Variants in RBFOX1 observed in about 807,000 individuals in gnomAD.
The protein encoded by RBFOX1 is RNA binding fox-1 homolog 1.
RBFOX1 carries 8 observed loss-of-function variants against 57.7 expected under a neutral mutation model. The ratio of observed to expected loss-of-function variants is 0.14; its 90% CI spans 0.08 to 0.25. The LOEUF is 0.25. Ranked by LOEUF, RBFOX1 falls within the 10% of genes least tolerant of loss-of-function variation. RBFOX1 has a pLI of 1.00. For missense variants in RBFOX1, 611 were observed against 548.5 expected (o/e 1.11, Z -1.14); for synonymous variants, 326 against 222.4 (o/e 1.47, Z -4.15).
chr16:6,809,697 G>C (rs2087914865), intron 3 of RBFOX1, among the ~76,000 whole-genome samples: 1 of 152,154 alleles, frequency 6.6e-6, no homozygotes, highest in South Asian at 2.1e-4. Context: ...CTGCAGAAGA[G>C]GAGTTTTTCA....
At chr16:7,197,843 C>T (rs566326514) in intron 4 of RBFOX1, among the ~76,000 whole-genome samples, 2 of 152,090 alleles carry the variant, frequency 1.3e-5, no homozygotes, top group East Asian at 1.9e-4. Flanking sequence ...ATTCCATTTC[C>T]GTGAAATATC....
intron 1 of RBFOX1, among the ~76,000 whole-genome samples, chr16:6,043,589 C>T (rs1302202794): frequency 6.6e-6 from 1 of 152,190 alleles, no homozygotes; most frequent in Non-Finnish European, 1.5e-5. Context: ...GTGTGTCTGA[C>T]CTCCCTTTTG....
At chr16:5,648,261 T>C (rs1320332711) in intron 3 of RBFOX1, among the ~76,000 whole-genome samples, 1 of 152,232 alleles carries the variant, frequency 6.6e-6, no homozygotes, top group Admixed American at 6.5e-5. Flanking sequence ...TCTCAAGTTC[T>C]CGGAGCCTCA....
chr16:6,805,353 A>G (rs529677974), intron 3 of RBFOX1, among the ~76,000 whole-genome samples: 92 of 152,312 alleles, frequency 6.0e-4, no homozygotes, highest in African/African-American at 2.2e-3. Context: ...ACACATGGAC[A>G]CACAGAGGGG....
At position 5,875,138 on chromosome 16, in the gene RBFOX1, G is replaced by A. The variant is rs532797062; in HGVS notation, c.351+7803G>A. Among the ~76,000 whole-genome samples the A allele has an allele frequency of 2.4e-3, 359 of 152,280 alleles. 1 individual carries two copies. The highest frequency in any genetic ancestry group is 7.8e-3 in the African/African-American group (323 of 41,554). ...TTCCCATAGCAACAGCAGCAGCAGC[G>A]TTGATAATTGCAGCCATCATTTACC... is the stretch of plus-strand genomic sequence containing the variant. On this transcript the variant is annotated intron_variant, in intron 4 of 19. Transcript: ENST00000641259.
intron 3 of RBFOX1, among the ~76,000 whole-genome samples, chr16:6,746,600 C>T (rs1283474731): frequency 6.6e-6 from 1 of 151,804 alleles, no homozygotes; most frequent in African/African-American, 2.4e-5. Flanking sequence ...ATCACCTGAA[C>T]CTGGGAAGTT....
At chr16:6,125,844 C>T (rs982990783) in intron 1 of RBFOX1, among the ~76,000 whole-genome samples, 1 of 152,108 alleles carries the variant, frequency 6.6e-6, no homozygotes, top group Non-Finnish European at 1.5e-5. Context: ...GATGTACAAA[C>T]CTTCCTACTG....
At chr16:7,479,797 G>A (rs1040848803) in intron 4 of RBFOX1, among the ~76,000 whole-genome samples, 3 of 152,148 alleles carry the variant, frequency 2.0e-5, no homozygotes, top group Non-Finnish European at 2.9e-5. Context: ...CCAGCATGTC[G>A]AATTTGTAAC....
chr16:6,807,627 C>T (rs139286833), intron 3 of RBFOX1, among the ~76,000 whole-genome samples: 2,024 of 152,020 alleles, frequency 0.013, 49 homozygotes, highest in African/African-American at 0.045. Flanking sequence ...ACCAGCCTGG[C>T]GAGCATGGTG....
intron 3 of RBFOX1, among the ~76,000 whole-genome samples, chr16:6,996,934 G>A (rs910554096): frequency 6.6e-6 from 1 of 152,096 alleles, no homozygotes; most frequent in Non-Finnish European, 1.5e-5. Flanking sequence ...AATCAGACTA[G>A]AGAATTTTTA....
intron 3 of RBFOX1, among the ~76,000 whole-genome samples, chr16:6,795,861 C>G (rs1458899928): frequency 6.6e-6 from 1 of 151,758 alleles, no homozygotes; most frequent in African/African-American, 2.4e-5. Flanking sequence ...CAGCTTTCCA[C>G]AAAATCACCC....
At chr16:5,733,602 C>T (rs1445251869) in intron 3 of RBFOX1, among the ~76,000 whole-genome samples, 1 of 152,142 alleles carries the variant, frequency 6.6e-6, no homozygotes, top group African/African-American at 2.4e-5. Context: ...GCATGGTCAC[C>T]TAGTCCCCAA....
chr16:5,554,544 TCAATC>T (rs2045595814), intron 2 of RBFOX1, among the ~76,000 whole-genome samples: 1 of 152,180 alleles, frequency 6.6e-6, no homozygotes, highest in Non-Finnish European at 1.5e-5. Flanking sequence ...TTTAGCAACT[TCAATC>T]AGATAGTGTA....
intron 2 of RBFOX1, among the ~76,000 whole-genome samples, chr16:6,558,853 C>T (rs893972507): frequency 2.1e-5 from 3 of 142,928 alleles, no homozygotes; most frequent in Non-Finnish European, 4.6e-5. Context: ...CCCAAACATA[C>T]CCAGCTCCTC....
chr16:5,966,302 A>G (rs1341374460), intron 4 of RBFOX1, among the ~76,000 whole-genome samples: 1 of 152,144 alleles, frequency 6.6e-6, no homozygotes. Context: ...TCATTGGCTC[A>G]TGGTTCTGCA....
chr16:5,403,773 C>G (rs1212897736), intron 1 of RBFOX1, among the ~76,000 whole-genome samples: 2 of 152,118 alleles, frequency 1.3e-5, no homozygotes, highest in African/African-American at 4.8e-5. Flanking sequence ...TATGTTGGTG[C>G]TAAAGAAAGG....
chr16:6,600,822 GA>G (rs550257708), intron 2 of RBFOX1, among the ~76,000 whole-genome samples: 4 of 151,404 alleles, frequency 2.6e-5, no homozygotes, highest in Admixed American at 2.0e-4. Context: ...AAAAAAGATA[GA>G]AAAAAAATCC....
chr16:6,123,665 G>A (rs1304772894), intron 1 of RBFOX1, among the ~76,000 whole-genome samples: 1 of 152,158 alleles, frequency 6.6e-6, no homozygotes, highest in Admixed American at 6.5e-5. Flanking sequence ...AGCACTTTGG[G>A]AGGCTGAGGT....
At chr16:5,806,974 A>G (rs942776923) in intron 3 of RBFOX1, among the ~76,000 whole-genome samples, 6 of 152,124 alleles carry the variant, frequency 3.9e-5, no homozygotes, top group African/African-American at 9.7e-5. Flanking sequence ...ATAGTTAGAA[A>G]AATGTCTTGC....
Sources: allele counts gnomAD v4.1 joint callset (sites outside exome capture counted in the v4.1 genomes callset), GRCh38; gene constraint gnomAD v4.1.1; transcripts MANE v1.5; gene names NCBI Gene and HGNC (gene_info 2026-07-23, HGNC 2026-07-21).